The following RELN variants were observed in gnomAD, a reference collection of about 807,000 sequenced individuals.
The protein encoded by RELN is reelin.
A neutral mutation model predicts 427.6 loss-of-function variants in RELN; 108 were observed. The ratio of observed to expected loss-of-function variants is 0.25; its 90% CI spans 0.22 to 0.30. RELN has a LOEUF of 0.30. Ranked by LOEUF, RELN falls within the 10% of genes least tolerant of loss-of-function variation. The pLI is 1.00. For synonymous variants in RELN, 1,524 were observed against 1,513.4 expected, an observed-to-expected ratio of 1.01 and a Z score of -0.16; for missense variants, 3,715 against 4,302.8, an observed-to-expected ratio of 0.86 and a Z score of 3.82.
At chr7:103,764,795 C>G (rs2116149457) in intron 4 of RELN, among the ~76,000 whole-genome samples, 1 of 146,312 alleles carries the variant, frequency 6.8e-6, no homozygotes, top group East Asian at 2.0e-4. Flanking sequence ...GAGATCGCAC[C>G]ACTGCACTCC....
At chr7:103,658,637 T>C (rs1833072713) in intron 12 of RELN, among the ~76,000 whole-genome samples, 1 of 152,102 alleles carries the variant, frequency 6.6e-6, no homozygotes, top group Non-Finnish European at 1.5e-5. Context: ...ATTTCTTTTC[T>C]TCTCTCTACT....
chr7:103,750,967 A>T (rs1245012908), intron 5 of RELN, among the ~76,000 whole-genome samples: 1 of 152,228 alleles, frequency 6.6e-6, no homozygotes, highest in East Asian at 1.9e-4. Flanking sequence ...ATTTCTGCTG[A>T]ATAGATGATG....
chr7:103,833,824 G>C lies in RELN; in HGVS notation c.338-152C>G, dbSNP rs142314519. The C allele has an allele frequency of 1.6e-4, 118 of 740,594 alleles. 4 individuals carry two copies. The highest frequency in any genetic ancestry group is 1.5e-3 in the African/African-American group (86 of 57,498). The allele number at this position is 740,594 out of a possible 1,614,324, so 45.9% of individuals were successfully genotyped here. A position where few individuals can be genotyped will look rare whatever the true frequency, so the allele number is the denominator to read the frequency against. On this transcript the variant is annotated intron_variant, in intron 2 of 64. Transcript: ENST00000428762. Reference sequence around the variant, plus strand: ...GTTATGTAATTTTTCACTTTTTATTGCTACAGGGAAATTAATCACTTAAAA... The same window carrying C: ...GTTATGTAATTTTTCACTTTTTATTCCTACAGGGAAATTAATCACTTAAAA...
At chr7:103,641,844 G>A (rs943565780) in intron 16 of RELN, among the ~76,000 whole-genome samples, 1 of 152,008 alleles carries the variant, frequency 6.6e-6, no homozygotes, top group African/African-American at 2.4e-5. Context: ...AAAAGCATAT[G>A]GATTGTTTTC....
At chr7:103,876,115 C>G (rs1319522652) in intron 2 of RELN, among the ~76,000 whole-genome samples, 1 of 152,140 alleles carries the variant, frequency 6.6e-6, no homozygotes, top group African/African-American at 2.4e-5. Flanking sequence ...ATTCTAGTTT[C>G]TGTCTTTCAC....
chr7:103,503,003 G>C lies in RELN; in HGVS notation c.8489+13C>G, dbSNP rs1275458563. 5 of 1,610,166 alleles carry C rather than the reference G, an allele frequency of 3.1e-6. No homozygotes were observed. The highest frequency in any genetic ancestry group is 3.3e-5 in the Admixed American group (2 of 59,976). ...ATGCTTGGAACCAGGCTTTGTTTTA[G>C]TTTTCTACTTACTTTCCCACTAAGC... On this transcript the variant is annotated intron_variant, in intron 52 of 64. Coordinates refer to ENST00000428762, the MANE Select transcript of RELN (RefSeq NM_005045.4).
chr7:103,932,178 C>G (rs527585252), intron 1 of RELN, among the ~76,000 whole-genome samples: 1 of 152,298 alleles, frequency 6.6e-6, no homozygotes, highest in African/African-American at 2.4e-5. Context: ...AAATATGGTA[C>G]ATACACACCA....
At chr7:103,919,767 T>C (rs1795571711) in intron 1 of RELN, among the ~76,000 whole-genome samples, 1 of 152,168 alleles carries the variant, frequency 6.6e-6, no homozygotes, top group Non-Finnish European at 1.5e-5. Flanking sequence ...ATCCACAACC[T>C]GGTGCCATCC....
At chr7:103,974,598 A>G (rs1796832957) in intron 1 of RELN, among the ~76,000 whole-genome samples, 1 of 152,242 alleles carries the variant, frequency 6.6e-6, no homozygotes, top group African/African-American at 2.4e-5. Context: ...ATAGGATATC[A>G]ATACATGTAA....
At chr7:103,568,950 G>C (rs1830821500) in intron 31 of RELN, among the ~76,000 whole-genome samples, 1 of 152,130 alleles carries the variant, frequency 6.6e-6, no homozygotes, top group African/African-American at 2.4e-5. Context: ...ACCTGTGATG[G>C]TTTAAAAAAT....
chr7:103,613,121 T>G (rs1562922661), intron 20 of RELN, among the ~76,000 whole-genome samples: 1 of 152,222 alleles, frequency 6.6e-6, no homozygotes, highest in Non-Finnish European at 1.5e-5. Flanking sequence ...CATCTTTCAG[T>G]AACTCTGTGT....
In RELN at chr7:103,876,092, T is replaced by A. The variant is rs1794471724; in HGVS notation, c.337+40983A>T. Among the ~76,000 whole-genome samples the A allele has an allele frequency of 2.0e-5, 3 of 152,136 alleles. No individual in the cohort carries two copies. In the South Asian group the frequency reaches 6.2e-4, roughly 31 times the overall value. On this transcript the variant is annotated intron_variant, in intron 2 of 64. Transcript: ENST00000428762. ...ATTTCTTTGTTTGATTATGTACTCC[T>A]AAGGGGCTATGAATTCTAGTTTCTG...
At chr7:103,858,189 C>A (rs1169827791) in intron 2 of RELN, among the ~76,000 whole-genome samples, 1 of 152,170 alleles carries the variant, frequency 6.6e-6, no homozygotes, top group Non-Finnish European at 1.5e-5. Context: ...CCTGCCTCTA[C>A]CACTTCCTAG....
intron 2 of RELN, among the ~76,000 whole-genome samples, chr7:103,861,452 T>G (rs1255265746): frequency 6.6e-6 from 1 of 152,116 alleles, no homozygotes; most frequent in Non-Finnish European, 1.5e-5. Context: ...AGGTAAATTT[T>G]AGGTGTCTCA....
At chr7:103,848,308 G>C (rs1423484216) in intron 2 of RELN, among the ~76,000 whole-genome samples, 1 of 152,202 alleles carries the variant, frequency 6.6e-6, no homozygotes, top group Non-Finnish European at 1.5e-5. Context: ...AACATTTAAT[G>C]AATTGAAGCC....
intron 8 of RELN, among the ~76,000 whole-genome samples, chr7:103,711,024 C>G (rs1440629790): frequency 6.6e-6 from 1 of 152,024 alleles, no homozygotes; most frequent in Non-Finnish European, 1.5e-5. Context: ...AGCCTGGCAA[C>G]AGAGCGAGAC....
chr7:103,807,483 C>T (rs1792628136), intron 3 of RELN, among the ~76,000 whole-genome samples: 1 of 152,096 alleles, frequency 6.6e-6, no homozygotes, highest in African/African-American at 2.4e-5. Context: ...AGTTTAGGTT[C>T]AGGGTATACA....
At chr7:103,956,721 A>G (rs1796441330) in intron 1 of RELN, among the ~76,000 whole-genome samples, 1 of 152,188 alleles carries the variant, frequency 6.6e-6, no homozygotes, top group East Asian at 1.9e-4. Context: ...TGAAATTTCA[A>G]TGTAGACTTG....
intron 1 of RELN, among the ~76,000 whole-genome samples, chr7:103,943,588 C>T (rs927050773): frequency 2.0e-5 from 3 of 151,936 alleles, no homozygotes; most frequent in Non-Finnish European, 4.4e-5. Context: ...CGGTGGGTCC[C>T]GCCTGTAATC....
Sources: allele counts gnomAD v4.1 joint callset (sites outside exome capture counted in the v4.1 genomes callset), GRCh38; gene constraint gnomAD v4.1.1; transcripts MANE v1.5; gene names NCBI Gene and HGNC (gene_info 2026-07-23, HGNC 2026-07-21).